DDIAS: variants seen among roughly 807,000 people sequenced by gnomAD.
DDIAS encodes DNA damage-induced apoptosis suppressor protein.
In DDIAS, 14 loss-of-function variants were observed where a neutral mutation model predicts 15.7. That is an observed-to-expected ratio of 0.89 (90% confidence interval 0.59 to 1.39). The LOEUF is 1.39. Among genes scored for constraint, DDIAS ranks in the 40% most tolerant of loss-of-function variants. The pLI is 0.00. For synonymous variants in DDIAS, 355 were observed against 395.9 expected (o/e 0.90, Z 1.23); for missense variants, 1,035 against 1,130.9 (o/e 0.92, Z 1.22).
chr11:82,906,958 A>G (rs569199175), intron 1 of DDIAS, among the ~76,000 whole-genome samples: 1 of 152,334 alleles, frequency 6.6e-6, no homozygotes, highest in East Asian at 1.9e-4. Context: ...CTTGGCACTG[A>G]AGATATAAAC....
intron 1 of DDIAS, among the ~76,000 whole-genome samples, chr11:82,910,116 C>A (rs923917654): frequency 1.2e-4 from 18 of 152,118 alleles, no homozygotes; most frequent in African/African-American, 3.4e-4. Flanking sequence ...AACAGCATCA[C>A]CCATTTCAGA....
Position 82,928,401 on chromosome 11 carries a change from G to A in DDIAS, c.114-376G>A, listed in dbSNP as rs552396212. Among the ~76,000 whole-genome samples the A allele has an allele frequency of 9.9e-5, 15 of 151,642 alleles. No homozygotes were observed. The East Asian group carries it at 2.7e-3, about 28-fold the overall frequency. ...TTTTTAGTAGAGACAGGGTTTTACCGTGTTAGCTAGGATGGTCTCAATCTC... is the reference window on the plus strand; with the variant it reads ...TTTTTAGTAGAGACAGGGTTTTACCATGTTAGCTAGGATGGTCTCAATCTC... On this transcript the variant is annotated intron_variant, in intron 3 of 5. Coordinates refer to ENST00000533655, the MANE Select transcript of DDIAS (RefSeq NM_145018.4).
chr11:82,919,660 G>A (rs7116170), intron 3 of DDIAS, among the ~76,000 whole-genome samples: 82,506 of 152,074 alleles, frequency 0.54, 23,234 homozygotes, highest in African/African-American at 0.7. Flanking sequence ...AATAGCGTCA[G>A]AAGGATTGGT....
intron 2 of DDIAS, 99 bp from the exon 3 acceptor site, chr11:82,914,624 A>T: frequency 1.8e-6 from 1 of 562,626 alleles, no homozygotes; most frequent in South Asian, 2.5e-5. Flanking sequence ...AATGACATCT[A>T]TTAGCTTTGC....
chr11:82,923,190 T>C (rs538753119), intron 3 of DDIAS, among the ~76,000 whole-genome samples: 1 of 152,340 alleles, frequency 6.6e-6, no homozygotes, highest in African/African-American at 2.4e-5. Context: ...CTAAAATTCA[T>C]AGTGCGAGCC....
Position 82,933,588 on chromosome 11 carries a change from A to G in DDIAS, c.2250A>G (p.Pro750=). Residue 750 remains proline, a synonymous_variant, in exon 6 of 6, where the codon CCA becomes CCG. Coordinates refer to ENST00000533655, the MANE Select transcript of DDIAS (RefSeq NM_145018.4). The part of the protein sequence containing the change: ...SDSRHSRTCS[P]TPHFQSDSEY... ...CTAGGCATTCAAGAACATGCTCTCCAACACCTCATTTTCAATCAGATTCAG... is the reference window on the plus strand; with the variant it reads ...CTAGGCATTCAAGAACATGCTCTCCGACACCTCATTTTCAATCAGATTCAG... 10 of 1,613,938 alleles carry G rather than the reference A, an allele frequency of 6.2e-6. No homozygotes were observed. Among genetic ancestry groups the G allele is most frequent in the Non-Finnish European group, 8.5e-6 (10 of 1,179,930 alleles).
chr11:82,930,104 A>G, intron 4 of DDIAS, 53 bp from the exon 5 acceptor site: 1 of 1,034,898 alleles, frequency 9.7e-7, no homozygotes. Context: ...CTTTATGGCA[A>G]GTAAAATTTC....
intron 2 of DDIAS, 147 bp from the exon 3 acceptor site, chr11:82,914,576 C>T: frequency 4.1e-6 from 2 of 493,760 alleles, no homozygotes; most frequent in Non-Finnish European, 7.1e-6. Context: ...ATTAATTTTC[C>T]AATACATTGA....
chr11:82,932,147 T>C lies in DDIAS; in HGVS notation c.809T>C (p.Leu270Pro). The C allele has an allele frequency of 6.2e-7, 1 of 1,614,210 alleles. No individual in the cohort carries two copies. The stretch of plus-strand genomic sequence containing the variant: ...GAACAAAGTAAGGCCTTTGGTACTC[T>C]TCAGCAGAACAGAAAGTCCATCTCC... ...ASEQSKAFGT[L>P]QQNRKSISIA... Residue 270 changes from leucine to proline, a missense_variant, in exon 6 of 6, where the codon CTT becomes CCT. Transcript: ENST00000533655.
chr11:82,913,988 G>A, intron 2 of DDIAS: 1 of 426,386 alleles, frequency 2.3e-6, no homozygotes, highest in South Asian at 1.7e-5. Context: ...CCAGGCTGAA[G>A]TGCCATGGTG....
intron 3 of DDIAS, among the ~76,000 whole-genome samples, chr11:82,920,074 T>G (rs1348438647): frequency 6.6e-6 from 1 of 152,202 alleles, no homozygotes; most frequent in Non-Finnish European, 1.5e-5. Context: ...TTATTATTGG[T>G]CTGTTCAGGG....
At chr11:82,917,412 C>T (rs1053924783) in intron 3 of DDIAS, among the ~76,000 whole-genome samples, 1 of 151,068 alleles carries the variant, frequency 6.6e-6, no homozygotes, top group African/African-American at 2.4e-5. Flanking sequence ...ATTTTCCATT[C>T]CTGAGTTACT....
chr11:82,916,037 A>C (rs910356114), intron 3 of DDIAS, among the ~76,000 whole-genome samples: 2 of 152,218 alleles, frequency 1.3e-5, no homozygotes, highest in African/African-American at 4.8e-5. Context: ...ACCTATCACT[A>C]ACATTAAATG....
chr11:82,907,540 C>A lies in DDIAS; in HGVS notation c.-117+5718C>A, dbSNP rs114549618. ...TTGCAAAATTCTGCTTATAGTTCTT[C>A]ATTCATGCAATAAATTTTGTTTTGA... On this transcript the variant is annotated intron_variant, in intron 1 of 5. Coordinates refer to ENST00000533655, the MANE Select transcript of DDIAS (RefSeq NM_145018.4). Among the ~76,000 whole-genome samples the A allele has an allele frequency of 6.0e-3, 914 of 152,306 alleles. 8 individuals are homozygous for A. The highest frequency in any genetic ancestry group is 0.019 in the African/African-American group (805 of 41,566).
Position 82,933,984 on chromosome 11 carries a change from C to T in DDIAS, c.2646C>T (p.Gly882=). 1 of 1,613,056 alleles carries T rather than the reference C, an allele frequency of 6.2e-7. No individual in the cohort carries two copies. The highest frequency in any genetic ancestry group is 2.2e-5 in the East Asian group (1 of 44,874). ...IFPSDMLGFQ[G]IGLGKCLAAY... The stretch of plus-strand genomic sequence containing the variant: ...CTTCAGATATGCTTGGATTCCAAGG[C>T]ATAGGTCTAGGGAAATGCCTTGCTG... The change falls in exon 6 of 6, where the codon GGC becomes GGT. Residue 882 remains glycine, a synonymous_variant. Transcript: ENST00000533655.
At chr11:82,929,474 C>T (rs1242141959) in intron 4 of DDIAS, among the ~76,000 whole-genome samples, 3 of 152,126 alleles carry the variant, frequency 2.0e-5, no homozygotes, top group Non-Finnish European at 2.9e-5. Flanking sequence ...GAGGCCGAGG[C>T]GGGCGGATCA....
intron 3 of DDIAS, among the ~76,000 whole-genome samples, chr11:82,923,204 A>G (rs1489844694): frequency 2.0e-5 from 3 of 152,190 alleles, no homozygotes; most frequent in Non-Finnish European, 4.4e-5. Context: ...GCGAGCCCCA[A>G]CATGCTGCTT....
At chr11:82,930,005 T>C in intron 4 of DDIAS, 152 bp from the exon 5 acceptor site, 1 of 546,956 alleles carries the variant, frequency 1.8e-6, no homozygotes, top group Non-Finnish European at 3.2e-6. Context: ...TATGAGAAAC[T>C]AGAGAGAACA....
At chr11:82,911,891 C>T (rs1046050227) in intron 1 of DDIAS, among the ~76,000 whole-genome samples, 4 of 152,208 alleles carry the variant, frequency 2.6e-5, no homozygotes, top group African/African-American at 7.2e-5. Context: ...AAAACAATAT[C>T]AATCTCCTTG....
Sources: allele counts gnomAD v4.1 joint callset (sites outside exome capture counted in the v4.1 genomes callset), GRCh38; gene constraint gnomAD v4.1.1; transcripts MANE v1.5; gene names NCBI Gene and HGNC (gene_info 2026-07-23, HGNC 2026-07-21).